The following ITGAV variants were observed in gnomAD, a reference collection of about 807,000 sequenced individuals.
The protein encoded by ITGAV is integrin subunit alpha V, also known as integrin alpha-V.
A neutral mutation model predicts 143.8 loss-of-function variants in ITGAV; 76 were observed. That is an observed-to-expected ratio of 0.53 (90% CI 0.44 to 0.64). The LOEUF (loss-of-function observed/expected upper bound fraction) is 0.64. Among genes scored for constraint, ITGAV ranks in the 30% least tolerant of loss-of-function variants. The pLI is 0.00. For synonymous variants in ITGAV, 453 were observed against 446.7 expected (o/e 1.01, Z -0.18); for missense variants, 1,193 against 1,274.7 (o/e 0.94, Z 0.98).
At chr2:186,613,932 T>C (rs945538203) in intron 2 of ITGAV, among the ~76,000 whole-genome samples, 2 of 152,116 alleles carry the variant, frequency 1.3e-5, no homozygotes, top group African/African-American at 4.8e-5. Flanking sequence ...CCTAGGAAGG[T>C]CAGTGCTTAA....
At chr2:186,655,496 G>A (rs1030048680) in intron 16 of ITGAV, among the ~76,000 whole-genome samples, 27 of 152,166 alleles carry the variant, frequency 1.8e-4, no homozygotes, top group African/African-American at 5.8e-4. Context: ...GTTGAGAAAC[G>A]GCATGGAGGT....
At chr2:186,649,717 A>C in intron 13 of ITGAV, 123 bp from the exon 14 acceptor site, 1 of 579,666 alleles carries the variant, frequency 1.7e-6, no homozygotes, top group South Asian at 3.0e-5. Flanking sequence ...GATGTCTTAC[A>C]ACCTCTTAAT....
In ITGAV at chr2:186,633,228, T is replaced by A. The variant is rs573377762; in HGVS notation, c.586-101T>A. 5.2e-5 allele frequency: 31 copies of A among 596,766 alleles called. 1 individual carries two copies. In the South Asian group the frequency reaches 7.3e-4, roughly 14 times the overall value. 37.0% of individuals were successfully genotyped at this position (596,766 alleles called of 1,614,324 possible). Reference sequence around the variant, plus strand: ...GATACAATACTGTATTGTTCAGTCATGTATACATATACATATATATCTTAT... The same window carrying A: ...GATACAATACTGTATTGTTCAGTCAAGTATACATATACATATATATCTTAT... On this transcript the variant is annotated intron_variant, in intron 5 of 29. Transcript: ENST00000261023.
At chr2:186,664,403 G>A in intron 19 of ITGAV, 91 bp from the exon 20 acceptor site, 1 of 1,220,472 alleles carries the variant, frequency 8.2e-7, no homozygotes, top group South Asian at 1.4e-5. Flanking sequence ...ACATGTCAGT[G>A]CTGTGTATTT....
intron 2 of ITGAV, among the ~76,000 whole-genome samples, chr2:186,619,017 A>G (rs1687446410): frequency 6.6e-6 from 1 of 151,930 alleles, no homozygotes; most frequent in African/African-American, 2.4e-5. Context: ...GTCTAACAAC[A>G]GATGAATGGA....
At position 186,622,390 on chromosome 2, in the gene ITGAV, G is replaced by T; in HGVS notation, c.368G>T (p.Trp123Leu). 6.2e-7 allele frequency: 1 copy of T among 1,613,770 alleles called. No homozygotes were observed. Among genetic ancestry groups the T allele is most frequent in the Non-Finnish European group, 8.5e-7 (1 of 1,179,764 alleles). The change falls in exon 3 of 30, where the codon TGG (tryptophan) becomes TTG (leucine). Residue 123 changes from tryptophan (W) to leucine (L), a missense_variant. Trp to Leu is a moderately conservative substitution (Grantham distance 61, BLOSUM62 -2). Coordinates refer to ENST00000261023, the MANE Select transcript of ITGAV (RefSeq NM_002210.5). ...CCATTGGAATTTAAGTCCCATCAGT[G>T]GTTTGGAGCATCTGTGAGGTCGAAA... ...DDPLEFKSHQWFGASVRSKQD... is the reference protein window; with the variant it reads ...DDPLEFKSHQLFGASVRSKQD...
chr2:186,638,338 T>C lies in ITGAV; in HGVS notation c.846+18T>C, dbSNP rs777629355. The C allele has an allele frequency of 9.9e-6, 16 of 1,612,340 alleles. No individual in the cohort carries two copies. Among genetic ancestry groups the C allele is most frequent in the East Asian group, 4.5e-5 (2 of 44,852 alleles). Reference sequence around the variant, plus strand: ...TGGGAATGGTAGGACAGTTAAAAGGTATTTTTTAAAAAATCTCTAAGTTAT... The same window carrying C: ...TGGGAATGGTAGGACAGTTAAAAGGCATTTTTTAAAAAATCTCTAAGTTAT... On this transcript the variant is annotated intron_variant, in intron 9 of 29. Coordinates refer to ENST00000261023, the MANE Select transcript of ITGAV (RefSeq NM_002210.5).
At chr2:186,624,410 A>T (rs1441102921) in intron 3 of ITGAV, among the ~76,000 whole-genome samples, 1 of 152,086 alleles carries the variant, frequency 6.6e-6, no homozygotes, top group East Asian at 1.9e-4. Context: ...GAGGTGAAGG[A>T]TGGGGTTAAG....
At position 186,677,262 on chromosome 2, in the gene ITGAV, T is replaced by C. The variant is rs375839785; in HGVS notation, c.3117T>C (p.His1039=). The stretch of plus-strand genomic sequence containing the variant: ...AAGAAAGGGAGCAGCTTCAACCTCA[T>C]GAAAATGGTGAAGGAAACTCAGAAA... ...EEQEREQLQP[H]ENGEGNSET Residue 1039 remains histidine (H), a synonymous_variant, in exon 30 of 30, where the codon CAT becomes CAC. Coordinates refer to ENST00000261023, the MANE Select transcript of ITGAV (RefSeq NM_002210.5). 2.5e-6 allele frequency: 4 copies of C among 1,613,596 alleles called. No individual in the cohort carries two copies. The highest frequency in any genetic ancestry group is 2.5e-6 in the Non-Finnish European group (3 of 1,179,700).
intron 26 of ITGAV, among the ~76,000 whole-genome samples, chr2:186,670,544 G>A (rs2682857): frequency 0.082 from 12,431 of 152,096 alleles, 560 homozygotes; most frequent in South Asian, 0.12. Flanking sequence ...CAAGCGATCT[G>A]CCCACCTCAG....
chr2:186,624,025 G>A (rs1304033296), intron 3 of ITGAV, among the ~76,000 whole-genome samples: 1 of 152,166 alleles, frequency 6.6e-6, no homozygotes, highest in Non-Finnish European at 1.5e-5. Flanking sequence ...AGTATGACAA[G>A]CTCATACTGC....
At chr2:186,614,471 G>A (rs2105673563) in intron 2 of ITGAV, among the ~76,000 whole-genome samples, 1 of 152,206 alleles carries the variant, frequency 6.6e-6, no homozygotes, top group East Asian at 1.9e-4. Flanking sequence ...TCATAGGAAT[G>A]TGTGTTTCAA....
intron 12 of ITGAV, among the ~76,000 whole-genome samples, chr2:186,642,474 G>T (rs1466757256): frequency 6.6e-6 from 1 of 151,822 alleles, no homozygotes; most frequent in Non-Finnish European, 1.5e-5. Context: ...TCATTTACTA[G>T]ATGTGTCATC....
At chr2:186,626,084 G>C (rs982925544) in intron 4 of ITGAV, among the ~76,000 whole-genome samples, 1 of 152,130 alleles carries the variant, frequency 6.6e-6, no homozygotes, top group Non-Finnish European at 1.5e-5. Context: ...AAGAGCCAAA[G>C]TTTATATAGG....
chr2:186,646,985 CAT>C (rs1355716465), intron 13 of ITGAV, 108 bp downstream of exon 13: 10 of 777,524 alleles, frequency 1.3e-5, no homozygotes, highest in Non-Finnish European at 2.0e-5. Flanking sequence ...TTCAGTATTT[CAT>C]ATGTTGATCA....
chr2:186,606,877 T>C (rs1420831071), intron 2 of ITGAV, among the ~76,000 whole-genome samples: 1 of 152,130 alleles, frequency 6.6e-6, no homozygotes, highest in East Asian at 1.9e-4. Flanking sequence ...CTTCAGGGGA[T>C]GCTTATGGTT....
At chr2:186,646,561 GA>G (rs1265989488) in intron 12 of ITGAV, 124 bp from the exon 13 acceptor site, 4 of 609,770 alleles carry the variant, frequency 6.6e-6, no homozygotes, top group Non-Finnish European at 1.2e-5. Context: ...TACAAGTACT[GA>G]AACTTTCTTC....
At chr2:186,633,222 C>A in intron 5 of ITGAV, 107 bp from the exon 6 acceptor site, 1 of 504,064 alleles carries the variant, frequency 2.0e-6, no homozygotes, top group Non-Finnish European at 3.5e-6. Flanking sequence ...CTGTATTGTT[C>A]AGTCATGTAT....
chr2:186,635,613 T>C (rs1180312432), intron 6 of ITGAV, among the ~76,000 whole-genome samples: 2 of 152,254 alleles, frequency 1.3e-5, no homozygotes, highest in Non-Finnish European at 2.9e-5. Flanking sequence ...AGATTTCTTG[T>C]CTGCTTAATA....
Sources: gnomAD v4.1 joint callset for allele counts (sites outside exome capture counted in the v4.1 genomes callset) on GRCh38, gnomAD v4.1.1 for gene constraint, MANE v1.5 for transcripts, NCBI Gene and HGNC (gene_info 2026-07-23, HGNC 2026-07-21) for gene names.